Variants in MACROD2 observed in about 807,000 individuals in gnomAD.
The protein encoded by MACROD2 is mono-ADP ribosylhydrolase 2, also known as ADP-ribose glycohydrolase MACROD2.
Under a neutral mutation model 70.4 loss-of-function variants are expected in MACROD2, and 36 were observed. That is an observed-to-expected ratio of 0.51 (90% confidence interval 0.39 to 0.68). The LOEUF is 0.68. Among genes scored for constraint, MACROD2 ranks in the 30% least tolerant of loss-of-function variants. The pLI is 0.00. For synonymous variants in MACROD2, 172 were observed against 178.8 expected (o/e 0.96, Z 0.30); for missense variants, 496 against 538.4 (o/e 0.92, Z 0.78).
In MACROD2 at chr20:15,537,508, C is replaced by G. The variant is rs574827617; in HGVS notation, c.645+37661C>G. 3.1e-5 allele frequency among the ~76,000 whole-genome samples: 4 copies of G among 129,718 alleles called. No homozygotes were observed. The East Asian group carries it at 9.7e-4, about 31-fold the overall frequency. 85.1% of individuals were successfully genotyped at this position (129,718 alleles called of 152,430 possible). A position where few individuals can be genotyped will look rare whatever the true frequency, so the allele number is the denominator to read the frequency against. ...TTTTTTTTTGAGAGGGAGTGTCACTCTGTTGCCCAGGCTGGGGTGCAATGA... is the reference window on the plus strand; with the variant it reads ...TTTTTTTTTGAGAGGGAGTGTCACTGTGTTGCCCAGGCTGGGGTGCAATGA... On this transcript the variant is annotated intron_variant, in intron 8 of 17. Coordinates refer to ENST00000684519, the MANE Select transcript of MACROD2 (RefSeq NM_001351661.2).
At chr20:15,575,654 G>A (rs578027214) in intron 8 of MACROD2, among the ~76,000 whole-genome samples, 1 of 152,228 alleles carries the variant, frequency 6.6e-6, no homozygotes, top group Non-Finnish European at 1.5e-5. Context: ...TTTAAAGATA[G>A]GGTAGACTTT....
At chr20:14,958,267 C>T (rs1446086735) in intron 5 of MACROD2, among the ~76,000 whole-genome samples, 1 of 152,266 alleles carries the variant, frequency 6.6e-6, no homozygotes, top group East Asian at 1.9e-4. Context: ...GAAATGTAAG[C>T]GGATGGTTTA....
At chr20:14,730,451 G>T (rs771228895) in intron 5 of MACROD2, among the ~76,000 whole-genome samples, 1 of 152,066 alleles carries the variant, frequency 6.6e-6, no homozygotes, top group African/African-American at 2.4e-5. Context: ...CTCTCATGGC[G>T]TTAGCGAAAG....
At chr20:14,472,488 A>G (rs1272821900) in intron 3 of MACROD2, among the ~76,000 whole-genome samples, 2 of 152,178 alleles carry the variant, frequency 1.3e-5, no homozygotes, top group Non-Finnish European at 2.9e-5. Context: ...ATATACTGGG[A>G]AATAGCCTAT....
chr20:14,235,143 C>G (rs548362580), intron 3 of MACROD2, among the ~76,000 whole-genome samples: 1 of 152,068 alleles, frequency 6.6e-6, no homozygotes, highest in South Asian at 2.1e-4. Context: ...GTTATATAAG[C>G]CTACATAAAG....
chr20:15,820,081 C>T (rs1455731997), intron 8 of MACROD2, among the ~76,000 whole-genome samples: 1 of 151,898 alleles, frequency 6.6e-6, no homozygotes, highest in Non-Finnish European at 1.5e-5. Context: ...TCAACTATAC[C>T]ATGCTCTATA....
intron 6 of MACROD2, among the ~76,000 whole-genome samples, chr20:15,360,600 C>G (rs959530482): frequency 6.6e-6 from 1 of 151,958 alleles, no homozygotes; most frequent in Non-Finnish European, 1.5e-5. Flanking sequence ...TTGGTTGCTG[C>G]TTCATATGAT....
chr20:16,041,083 G>A (rs547230365), intron 15 of MACROD2, 118 bp from the exon 16 acceptor site: 1 of 835,302 alleles, frequency 1.2e-6, no homozygotes, highest in South Asian at 1.6e-5. Context: ...TGCAAAAGAA[G>A]TTGAATCCCA....
intron 5 of MACROD2, among the ~76,000 whole-genome samples, chr20:15,046,628 CCCAGTCAGTTT>C (rs1297061665): frequency 2.0e-5 from 3 of 152,286 alleles, no homozygotes; most frequent in Non-Finnish European, 4.4e-5. Flanking sequence ...GCTGTCCGTT[CCCAGTCAGTTT>C]CAAATCTTGG....
At chr20:14,981,362 CTTAAACCTCACTCCTTT>C (rs1460358352) in intron 5 of MACROD2, among the ~76,000 whole-genome samples, 1 of 151,232 alleles carries the variant, frequency 6.6e-6, no homozygotes, top group East Asian at 1.9e-4. Flanking sequence ...TTCATTTTAG[CTTAAACCTCACTCCTTT>C]GGAAAAGCCT....
intron 6 of MACROD2, among the ~76,000 whole-genome samples, chr20:15,421,923 T>G (rs2046233865): frequency 6.6e-6 from 1 of 152,184 alleles, no homozygotes; most frequent in Non-Finnish European, 1.5e-5. Flanking sequence ...GGAAGACCTC[T>G]TCGAGGAGGT....
chr20:13,997,981 A>C (rs569615092), intron 1 of MACROD2, among the ~76,000 whole-genome samples: 7 of 152,150 alleles, frequency 4.6e-5, no homozygotes, highest in Non-Finnish European at 1.0e-4. Context: ...GTATTTTTGC[A>C]GCTGTCCTTT....
chr20:15,555,856 G>GAAAAAAAAAA (rs2048163082), intron 8 of MACROD2, among the ~76,000 whole-genome samples: 1 of 80,754 alleles, frequency 1.2e-5, no homozygotes, highest in African/African-American at 7.8e-5. Context: ...AAAAAAAAAG[G>GAAAAAAAAAA]AAAAGAAAAG....
At chr20:14,396,719 A>G (rs1416455548) in intron 3 of MACROD2, among the ~76,000 whole-genome samples, 1 of 151,828 alleles carries the variant, frequency 6.6e-6, no homozygotes, top group Non-Finnish European at 1.5e-5. Context: ...AGGTCAGGAG[A>G]TCAAGACCAT....
At chr20:15,030,502 T>C (rs2075266321) in intron 5 of MACROD2, among the ~76,000 whole-genome samples, 1 of 152,200 alleles carries the variant, frequency 6.6e-6, no homozygotes. Context: ...CACAGCAGCA[T>C]TGAGCTCTAG....
intron 6 of MACROD2, among the ~76,000 whole-genome samples, chr20:15,371,732 A>T (rs1463757770): frequency 6.6e-6 from 1 of 152,148 alleles, no homozygotes; most frequent in Non-Finnish European, 1.5e-5. Flanking sequence ...GAAATGGATA[A>T]ATATTTTTTA....
chr20:14,221,729 A>T (rs1394053964), intron 3 of MACROD2, among the ~76,000 whole-genome samples: 1 of 152,234 alleles, frequency 6.6e-6, no homozygotes, highest in Non-Finnish European at 1.5e-5. Flanking sequence ...TTTGCAAACT[A>T]CGCATCCCAC....
rs1186411635 is a variant in MACROD2 at position 15,246,114 on chromosome 20, A to G, written c.540+16053A>G. 2.6e-5 allele frequency among the ~76,000 whole-genome samples: 4 copies of G among 152,248 alleles called. No individual in the cohort carries two copies. In the East Asian group the frequency reaches 7.7e-4, roughly 29 times the overall value. On this transcript the variant is annotated intron_variant, in intron 6 of 17. Transcript: ENST00000684519. Reference sequence around the variant, plus strand: ...ACAGACACATATGCCTTTAATGCTAATAAATCGTCTTATCTCAGTGTCAAA... The same window carrying G: ...ACAGACACATATGCCTTTAATGCTAGTAAATCGTCTTATCTCAGTGTCAAA...
chr20:15,333,287 T>C (rs1401399032), intron 6 of MACROD2, among the ~76,000 whole-genome samples: 1 of 151,614 alleles, frequency 6.6e-6, no homozygotes, highest in Non-Finnish European at 1.5e-5. Flanking sequence ...ATACTTATAT[T>C]TGAAAATCAT....
Sources: gnomAD v4.1 joint callset for allele counts (sites outside exome capture counted in the v4.1 genomes callset) on GRCh38, gnomAD v4.1.1 for gene constraint, MANE v1.5 for transcripts, NCBI Gene and HGNC (gene_info 2026-07-23, HGNC 2026-07-21) for gene names.